DPP6: variants seen among roughly 807,000 people sequenced by gnomAD.
The protein encoded by DPP6 is dipeptidyl peptidase like 6.
Under a neutral mutation model 122.6 loss-of-function variants are expected in DPP6, and 69 were observed. The observed-to-expected ratio is 0.56, with a 90% CI of 0.46 to 0.69. The LOEUF (loss-of-function observed/expected upper bound fraction) is 0.69, where lower values mean the gene tolerates loss of function less well. DPP6 is among the 30% of genes least tolerant of loss of function. DPP6 has a pLI of 0.00. For missense variants in DPP6, 928 were observed against 1,116.9 expected (o/e 0.83, Z 2.41); for synonymous variants, 418 against 433.1 (o/e 0.97, Z 0.43).
intron 1 of DPP6, among the ~76,000 whole-genome samples, chr7:154,035,201 G>T (rs1421974819): frequency 2.0e-5 from 3 of 152,218 alleles, no homozygotes; most frequent in Admixed American, 2.0e-4. Context: ...GGGTTCAGTG[G>T]ACAAGGTATC....
In DPP6 at chr7:154,466,452, C is replaced by T. The variant is rs75396784; in HGVS notation, c.359-8487C>T. Among the ~76,000 whole-genome samples, 501 of 152,268 alleles carry T rather than the reference C, an allele frequency of 3.3e-3. 7 individuals carry two copies. In the East Asian group the frequency reaches 0.056, roughly 17 times the overall value. ...CAGGGTTGGTTTATGGTGAAGTCTC[C>T]CTTCCTGGCCTGCAGACCGCACCTT... On this transcript the variant is annotated intron_variant, in intron 2 of 25. Transcript: ENST00000377770.
intron 1 of DPP6, among the ~76,000 whole-genome samples, chr7:154,346,426 C>T (rs1810401775): frequency 1.3e-5 from 2 of 152,160 alleles, no homozygotes; most frequent in African/African-American, 4.8e-5. Flanking sequence ...CCTGCCTCAG[C>T]CTCCCAAGTA....
rs548162839 is a variant in DPP6, at chr7:154,062,332, G to A, written c.243+9269G>A. Among the ~76,000 whole-genome samples, 8 of 59,700 alleles carry A rather than the reference G, an allele frequency of 1.3e-4. No homozygotes were observed. In the East Asian group the frequency reaches 3.5e-3, roughly 26 times the overall value. 39.2% of individuals were successfully genotyped at this position (59,700 alleles called of 152,430 possible). A position where few individuals can be genotyped will look rare whatever the true frequency, so the allele number is the denominator to read the frequency against. ...AGGACCCCCATCGCAGGAGGGGGAG[G>A]CACCCCCCGCGAGGGTGGGGACTGA... On this transcript the variant is annotated intron_variant, in intron 1 of 25. Coordinates refer to ENST00000377770, the MANE Select transcript of DPP6 (RefSeq NM_130797.4).
chr7:154,712,753 GA>G (rs1841263313), intron 7 of DPP6, among the ~76,000 whole-genome samples: 2 of 152,190 alleles, frequency 1.3e-5, no homozygotes, highest in Non-Finnish European at 2.9e-5. Flanking sequence ...TCCGTCTGAA[GA>G]CACATGGGAG....
intron 16 of DPP6, among the ~76,000 whole-genome samples, chr7:154,835,751 C>T (rs1043594141): frequency 6.6e-6 from 1 of 152,192 alleles, no homozygotes; most frequent in Non-Finnish European, 1.5e-5. Context: ...AATGCCCATT[C>T]TTTGCTTCCA....
intron 1 of DPP6, among the ~76,000 whole-genome samples, chr7:154,284,474 G>T (rs146053265): frequency 1.4e-3 from 215 of 152,320 alleles, no homozygotes; most frequent in African/African-American, 4.9e-3. Flanking sequence ...TCAATAAAAT[G>T]TGGTATATCC....
intron 1 of DPP6, among the ~76,000 whole-genome samples, chr7:154,327,785 T>A (rs1043245734): frequency 2.0e-5 from 3 of 152,220 alleles, no homozygotes; most frequent in Admixed American, 2.0e-4. Flanking sequence ...GTCTCTTAAT[T>A]ACCACCATTT....
At chr7:154,054,570 G>A (rs4725520) in intron 1 of DPP6, among the ~76,000 whole-genome samples, 43,339 of 152,008 alleles carry the variant, frequency 0.29, 6,725 homozygotes, top group South Asian at 0.38. Context: ...GACTCCCCTG[G>A]TTAAATAGTC....
chr7:154,505,528 G>C (rs192765209), intron 3 of DPP6, among the ~76,000 whole-genome samples: 3 of 152,286 alleles, frequency 2.0e-5, no homozygotes, highest in Non-Finnish European at 4.4e-5. Flanking sequence ...TGACAGCTTC[G>C]CAGAAGTTCC....
intron 16 of DPP6, among the ~76,000 whole-genome samples, chr7:154,837,307 GCACA>G (rs1801153791): frequency 6.6e-6 from 1 of 150,434 alleles, no homozygotes; most frequent in South Asian, 2.1e-4. Flanking sequence ...ATGCACACAT[GCACA>G]CAAACACATG....
At position 154,744,329 on chromosome 7, in the gene DPP6, C is replaced by G. The variant is rs1330700093; in HGVS notation, c.883+16442C>G. Among the ~76,000 whole-genome samples, 8 of 152,328 alleles carry G rather than the reference C, an allele frequency of 5.3e-5. No homozygotes were observed. The East Asian group carries it at 1.4e-3, about 26-fold the overall frequency. On this transcript the variant is annotated intron_variant, in intron 8 of 25. Transcript: ENST00000377770. Reference sequence around the variant, plus strand: ...CAGCCAGTAAAGCTAGAATGAAAATCTGAGCGATCAAGGCAATGGAATAGA... The same window carrying G: ...CAGCCAGTAAAGCTAGAATGAAAATGTGAGCGATCAAGGCAATGGAATAGA...
At chr7:153,861,234 T>C in the DPP6 span, among the ~76,000 whole-genome samples, 1 of 152,198 alleles carries the variant, frequency 6.6e-6, no homozygotes, top group African/African-American at 2.4e-5. Context: ...ACCATAAACA[T>C]ATTTATAATT....
chr7:154,316,114 G>A (rs1807408450), intron 1 of DPP6, among the ~76,000 whole-genome samples: 1 of 152,172 alleles, frequency 6.6e-6, no homozygotes, highest in South Asian at 2.1e-4. Context: ...ATTGAACAAA[G>A]TAATCAAATT....
chr7:154,452,688 C>A (rs1232461003), intron 2 of DPP6, among the ~76,000 whole-genome samples: 2 of 152,194 alleles, frequency 1.3e-5, no homozygotes, highest in Non-Finnish European at 2.9e-5. Flanking sequence ...CCCAGGGGCC[C>A]CTTGCCACCC....
intron 1 of DPP6, among the ~76,000 whole-genome samples, chr7:154,077,613 G>A (rs1337235234): frequency 2.0e-5 from 3 of 151,748 alleles, no homozygotes; most frequent in Non-Finnish European, 4.4e-5. Flanking sequence ...ATGCTTCCTA[G>A]GAGGTAGAAT....
chr7:153,953,307 C>T (rs950411807), intron 1 of DPP6, among the ~76,000 whole-genome samples: 3 of 152,010 alleles, frequency 2.0e-5, no homozygotes, highest in East Asian at 3.9e-4. Flanking sequence ...GATAAGGAAA[C>T]GGAAGCCAAA....
chr7:154,773,834 C>T (rs1796405281), intron 10 of DPP6, among the ~76,000 whole-genome samples: 2 of 152,140 alleles, frequency 1.3e-5, no homozygotes, highest in Non-Finnish European at 2.9e-5. Context: ...GAATCGAGGC[C>T]TCAGGTCTAG....
chr7:153,976,604 T>A (rs1320265871), intron 1 of DPP6, among the ~76,000 whole-genome samples: 1 of 152,214 alleles, frequency 6.6e-6, no homozygotes, highest in African/African-American at 2.4e-5. Flanking sequence ...AATAGTGTTA[T>A]AGTGAAAGTC....
chr7:154,879,053 G>A (rs1166646049), intron 20 of DPP6, among the ~76,000 whole-genome samples: 1 of 152,168 alleles, frequency 6.6e-6, no homozygotes, highest in East Asian at 1.9e-4. Context: ...CTTCCTTCCT[G>A]GGGACAGCAC....
Sources: gnomAD v4.1 joint callset for allele counts (sites outside exome capture counted in the v4.1 genomes callset) on GRCh38, gnomAD v4.1.1 for gene constraint, MANE v1.5 for transcripts, NCBI Gene and HGNC (gene_info 2026-07-23, HGNC 2026-07-21) for gene names.